The following SORCS3 variants were observed in gnomAD, a reference collection of about 807,000 sequenced individuals.
The protein encoded by SORCS3 is VPS10 domain-containing receptor SorCS3.
In SORCS3, 57 loss-of-function variants were observed where a neutral mutation model predicts 146.3. That is an observed-to-expected ratio of 0.39 (90% CI 0.31 to 0.49). The LOEUF is 0.49. Ranked by LOEUF, SORCS3 falls within the 20% of genes least tolerant of loss-of-function variation. The pLI is 0.92. For missense variants in SORCS3, 1,341 were observed against 1,575.5 expected, an observed-to-expected ratio of 0.85 and a Z score of 2.52; for synonymous variants, 653 against 618.5, an observed-to-expected ratio of 1.06 and a Z score of -0.83.
At chr10:105,216,638 C>T (rs1177954127) in intron 18 of SORCS3, among the ~76,000 whole-genome samples, 2 of 152,156 alleles carry the variant, frequency 1.3e-5, no homozygotes, top group Admixed American at 6.5e-5. Context: ...GTGAGGGAGT[C>T]AGTGAAACCC....
intron 1 of SORCS3, among the ~76,000 whole-genome samples, chr10:104,738,262 T>C (rs949892748): frequency 1.3e-5 from 2 of 152,220 alleles, no homozygotes; most frequent in South Asian, 4.1e-4. Flanking sequence ...TTTGGTTCCA[T>C]ATAAACTTTA....
intron 1 of SORCS3, among the ~76,000 whole-genome samples, chr10:104,669,895 T>G (rs966299775): frequency 8.8e-6 from 1 of 114,026 alleles, no homozygotes; most frequent in Non-Finnish European, 1.9e-5. Flanking sequence ...ACACTTTCTG[T>G]TTTTTTTTTT....
chr10:104,641,333 G>T lies in SORCS3; in HGVS notation c.6G>T (p.Glu2Asp). The T allele has an allele frequency of 7.5e-7, 1 of 1,329,666 alleles. No homozygotes were observed. The highest frequency in any genetic ancestry group is 1.5e-5 in the African/African-American group (1 of 65,012). The allele number at this position is 1,329,666 out of a possible 1,614,324, so 82.4% of individuals were successfully genotyped here. A position where few individuals can be genotyped will look rare whatever the true frequency, so the allele number is the denominator to read the frequency against. The change falls in exon 1 of 27, where the codon GAG (glutamate) becomes GAT (aspartate). Residue 2 changes from glutamate (E) to aspartate (D), a missense_variant. By Grantham distance (45) the Glu-to-Asp change is conservative. Transcript: ENST00000369701. The surrounding 1 kb of genome is among the most constrained non-coding windows in gnomAD (Gnocchi z 6.4). Reference sequence around the variant, plus strand: ...GCCGCGGTAGCCGCAGCGGGATGGAGGCGGCGCGCACGGAGCGCCCCGCAG... The same window carrying T: ...GCCGCGGTAGCCGCAGCGGGATGGATGCGGCGCGCACGGAGCGCCCCGCAG... The part of the protein sequence containing the change: M[E>D]AARTERPAGR...
At chr10:104,701,331 G>A (rs1396967990) in intron 1 of SORCS3, among the ~76,000 whole-genome samples, 1 of 152,150 alleles carries the variant, frequency 6.6e-6, no homozygotes, top group African/African-American at 2.4e-5. Context: ...TACATAGGAG[G>A]GTTAAGAGAT....
rs182003429 is a variant in SORCS3, at chr10:104,977,479, A to G, written c.940A>G (p.Ser314Gly). The G allele has an allele frequency of 8.7e-5, 140 of 1,607,862 alleles. 1 individual carries two copies. The highest frequency in any genetic ancestry group is 1.1e-4 in the Non-Finnish European group (130 of 1,178,052). Residue 314 changes from serine to glycine, a missense_variant, in exon 4 of 27, where the codon AGT becomes GGT. Transcript: ENST00000369701. Reference sequence around the variant, plus strand: ...GCAAGAGGACTGGGTGCTGGCCTACAGTTTGGATCAAAAGGTGAATAAATA... The same window carrying G: ...GCAAGAGGACTGGGTGCTGGCCTACGGTTTGGATCAAAAGGTGAATAAATA... ...PKQEDWVLAYSLDQKLYSSMD... is the reference protein window; with the variant it reads ...PKQEDWVLAYGLDQKLYSSMD...
chr10:105,006,930 C>T (rs1448110349), intron 4 of SORCS3, among the ~76,000 whole-genome samples: 2 of 152,158 alleles, frequency 1.3e-5, no homozygotes, highest in African/African-American at 4.8e-5. Flanking sequence ...TCTGTTACTC[C>T]CAGTAGAATT....
At chr10:105,157,612 A>G (rs940457490) in intron 10 of SORCS3, among the ~76,000 whole-genome samples, 3 of 152,190 alleles carry the variant, frequency 2.0e-5, no homozygotes, top group Admixed American at 2.0e-4. Flanking sequence ...TGATACTAAC[A>G]TGATGCATTG....
At chr10:105,140,586 A>C (rs1003568816) in intron 8 of SORCS3, among the ~76,000 whole-genome samples, 1 of 152,206 alleles carries the variant, frequency 6.6e-6, no homozygotes, top group Non-Finnish European at 1.5e-5. Context: ...AGTTTCCTAG[A>C]AAAAGTGATG....
intron 1 of SORCS3, among the ~76,000 whole-genome samples, chr10:104,651,523 CG>C (rs1287470455): frequency 1.6e-5 from 2 of 128,440 alleles, no homozygotes; most frequent in Non-Finnish European, 3.2e-5. Flanking sequence ...GTGAAACCTC[CG>C]GGCTCTACTA....
chr10:104,647,964 G>A (rs556512540), intron 1 of SORCS3, among the ~76,000 whole-genome samples: 2 of 152,288 alleles, frequency 1.3e-5, no homozygotes, highest in African/African-American at 2.4e-5. Context: ...GAAACTGTGG[G>A]GTTGGTAGAA....
At chr10:104,893,353 C>T (rs139966269) in intron 2 of SORCS3, among the ~76,000 whole-genome samples, 2 of 152,180 alleles carry the variant, frequency 1.3e-5, no homozygotes, top group Admixed American at 1.3e-4. Context: ...TCCCAGGCAT[C>T]GCCATATGCA....
rs972305602 is a variant in SORCS3 at position 105,207,329 on chromosome 10, C to A, written c.2262-3808C>A. ...TTCTAAACTGTCCTGGCTATCCCTC[C>A]TTTAGAATCTAAGCCTTTTCCCTGG... On this transcript the variant is annotated intron_variant, in intron 16 of 26. Transcript: ENST00000369701. Among the ~76,000 whole-genome samples, 5 of 141,762 alleles carry A rather than the reference C, an allele frequency of 3.5e-5. No homozygotes were observed. In the Admixed American group the frequency reaches 3.6e-4, roughly 10 times the overall value. 93.0% of individuals were successfully genotyped at this position (141,762 alleles called of 152,430 possible). A position where few individuals can be genotyped will look rare whatever the true frequency, so the allele number is the denominator to read the frequency against.
intron 6 of SORCS3, among the ~76,000 whole-genome samples, chr10:105,090,903 A>G (rs1166406980): frequency 6.6e-6 from 1 of 152,202 alleles, no homozygotes; most frequent in Non-Finnish European, 1.5e-5. Context: ...TTTAAGTAAA[A>G]CTGCATGTGC....
At chr10:104,964,969 T>A (rs1298751626) in intron 3 of SORCS3, among the ~76,000 whole-genome samples, 3 of 152,210 alleles carry the variant, frequency 2.0e-5, no homozygotes, top group Admixed American at 6.5e-5. Flanking sequence ...CATATAGTAT[T>A]TTTTTCTTTA....
intron 10 of SORCS3, 61 bp from the exon 11 acceptor site, chr10:105,158,831 G>A (rs1031892960): frequency 2.3e-5 from 30 of 1,280,060 alleles, no homozygotes; most frequent in Non-Finnish European, 3.1e-5. Context: ...CATCTCTAGT[G>A]GGGCAGGGGT....
intron 1 of SORCS3, among the ~76,000 whole-genome samples, chr10:104,760,250 T>C (rs995489763): frequency 6.6e-6 from 1 of 152,152 alleles, no homozygotes; most frequent in Non-Finnish European, 1.5e-5. Context: ...GAACTTAGCA[T>C]GGAAAGGATT....
chr10:104,759,292 A>G (rs1458997263), intron 1 of SORCS3, among the ~76,000 whole-genome samples: 1 of 152,180 alleles, frequency 6.6e-6, no homozygotes, highest in Non-Finnish European at 1.5e-5. Context: ...TTAATCTTGG[A>G]CCTCATCCTC....
rs572838256 is a variant in SORCS3 at position 104,847,503 on chromosome 10, C to A, written c.695+4644C>A. On this transcript the variant is annotated intron_variant, in intron 2 of 26. Coordinates refer to ENST00000369701, the MANE Select transcript of SORCS3 (RefSeq NM_014978.3). The stretch of plus-strand genomic sequence containing the variant: ...TGTTCATCAAGGGTCCCTGACTGAT[C>A]AGCTTCAGAACAAAATATACATGGT... 9.9e-4 allele frequency among the ~76,000 whole-genome samples: 151 copies of A among 152,266 alleles called. 1 individual carries two copies. The highest frequency in any genetic ancestry group is 3.3e-3 in the African/African-American group (137 of 41,560).
chr10:104,892,591 C>T (rs890491911), intron 2 of SORCS3, among the ~76,000 whole-genome samples: 15 of 152,022 alleles, frequency 9.9e-5, no homozygotes, highest in Non-Finnish European at 5.9e-5. Context: ...GGCGTGGTGG[C>T]GTGTGCCTGT....
Sources: allele counts gnomAD v4.1 joint callset (sites outside exome capture counted in the v4.1 genomes callset), GRCh38; gene constraint gnomAD v4.1.1; non-coding constraint Gnocchi (gnomAD v3.1); transcripts MANE v1.5; gene names NCBI Gene and HGNC (gene_info 2026-07-23, HGNC 2026-07-21).